Variants in SCN3A observed in about 807,000 individuals in gnomAD.
The protein encoded by SCN3A is sodium voltage-gated channel alpha subunit 3.
In SCN3A, 60 loss-of-function variants were observed where a neutral mutation model predicts 187.6. The observed-to-expected ratio is 0.32, with a 90% confidence interval of 0.26 to 0.40. The LOEUF is 0.40. SCN3A is among the 10% of genes least tolerant of loss of function. The pLI is 1.00. For missense variants in SCN3A, 1,601 were observed against 2,428.2 expected (o/e 0.66, Z 7.16); for synonymous variants, 788 against 829.2 (o/e 0.95, Z 0.85).
At chr2:165,126,022 A>T (rs1574154009) in intron 18 of SCN3A, among the ~76,000 whole-genome samples, 1 of 152,220 alleles carries the variant, frequency 6.6e-6, no homozygotes, top group African/African-American at 2.4e-5. Flanking sequence ...ACCTGAAAAT[A>T]GTCAGGAAGC....
At chr2:165,150,169 A>C (rs1305823126) in intron 11 of SCN3A, among the ~76,000 whole-genome samples, 1 of 152,190 alleles carries the variant, frequency 6.6e-6, no homozygotes, top group African/African-American at 2.4e-5. Context: ...CTAGGACAAA[A>C]CATTGATTTC....
chr2:165,125,596 CG>C (rs1205554134), intron 18 of SCN3A, among the ~76,000 whole-genome samples: 1 of 152,080 alleles, frequency 6.6e-6, no homozygotes, highest in Non-Finnish European at 1.5e-5. Flanking sequence ...GGATTACAGA[CG>C]TGAGCTACCG....
intron 2 of SCN3A, among the ~76,000 whole-genome samples, chr2:165,182,634 GT>G (rs1275679226): frequency 3.3e-5 from 5 of 151,104 alleles, no homozygotes; most frequent in Non-Finnish European, 7.4e-5. Flanking sequence ...TCACTTCCAG[GT>G]TTCCAGCTTA....
chr2:165,127,985 C>T lies in SCN3A; in HGVS notation c.3039G>A (p.Lys1013=), dbSNP rs267598954. 6.2e-7 allele frequency: 1 copy of T among 1,614,064 alleles called. No homozygotes were observed. The highest frequency in any genetic ancestry group is 8.5e-7 in the Non-Finnish European group (1 of 1,180,014). ...NLQIAVGRMQ[K]GIDYVKNKMR... is the part of the protein sequence containing the mutation. ...TCTTATTTTTCACATAATCAATTCC[C>T]TTTTGCATTCTTCCTACTGCAATCT... The change falls in exon 18 of 28, where the codon AAG becomes AAA. Residue 1013 remains lysine (K), a synonymous_variant. Coordinates refer to ENST00000283254, the MANE Select transcript of SCN3A (RefSeq NM_006922.4).
In SCN3A at chr2:165,162,713, C is replaced by G; in HGVS notation, c.810G>C (p.Met270Ile). 6.2e-7 allele frequency: 1 copy of G among 1,614,076 alleles called. No homozygotes were observed. The highest frequency in any genetic ancestry group is 1.1e-5 in the South Asian group (1 of 91,076). The change falls in exon 8 of 28, where the codon ATG (methionine) becomes ATC (isoleucine). Residue 270 changes from methionine to isoleucine, a missense_variant. Coordinates refer to ENST00000283254, the MANE Select transcript of SCN3A (RefSeq NM_006922.4). ...VFALIGLQLF[M>I]GNLRNKCLQW... ...GCAAACATTTATTCCTCAGATTGCCCATGAACAGCTGCAGCCCAATGAGAG... is the reference window on the plus strand; with the variant it reads ...GCAAACATTTATTCCTCAGATTGCCGATGAACAGCTGCAGCCCAATGAGAG...
At chr2:165,113,157 G>A in intron 20 of SCN3A, 99 bp from the exon 21 acceptor site, 2 of 859,394 alleles carry the variant, frequency 2.3e-6, no homozygotes, top group Non-Finnish European at 3.7e-6. Flanking sequence ...ACAATAATTT[G>A]ATTATTGATA....
In SCN3A at chr2:165,167,790, TC is replaced by T. The variant is rs574630778; in HGVS notation, c.473+945del. Among the ~76,000 whole-genome samples the T allele has an allele frequency of 8.5e-4, 130 of 152,176 alleles. No homozygotes were observed. The Middle Eastern group carries it at 0.01, about 12-fold the overall frequency. On this transcript the variant is annotated intron_variant, in intron 5 of 27. Coordinates refer to ENST00000283254, the MANE Select transcript of SCN3A (RefSeq NM_006922.4). The stretch of plus-strand genomic sequence containing the variant: ...TTTTTTCTCACACTTAAATGGAAAA[TC>T]CCTTGCAATAATAATAATAAAAAGA...
intron 19 of SCN3A, 23 bp downstream of exon 19, chr2:165,115,432 T>C: frequency 6.2e-7 from 1 of 1,613,716 alleles, no homozygotes; most frequent in Non-Finnish European, 8.5e-7. Flanking sequence ...AGATTGTATT[T>C]AATCACATCA....
At chr2:165,156,865 A>G (rs1689082746) in intron 9 of SCN3A, among the ~76,000 whole-genome samples, 1 of 151,668 alleles carries the variant, frequency 6.6e-6, no homozygotes, top group African/African-American at 2.4e-5. Context: ...ATACATTATT[A>G]TTACCTAAAG....
At chr2:165,182,492 G>T (rs1690942139) in intron 2 of SCN3A, among the ~76,000 whole-genome samples, 1 of 152,088 alleles carries the variant, frequency 6.6e-6, no homozygotes, top group African/African-American at 2.4e-5. Flanking sequence ...TTAATAGTAG[G>T]CCATCAATAA....
At chr2:165,177,022 T>C (rs1012767595) in intron 2 of SCN3A, among the ~76,000 whole-genome samples, 3 of 152,168 alleles carry the variant, frequency 2.0e-5, no homozygotes, top group African/African-American at 7.2e-5. Flanking sequence ...GTCAGCATCA[T>C]TGACAACTGC....
intron 23 of SCN3A, 104 bp downstream of exon 23, chr2:165,097,148 T>G: frequency 7.6e-7 from 1 of 1,310,286 alleles, no homozygotes; most frequent in South Asian, 1.3e-5. Context: ...TTAACTTTTT[T>G]TCATGCTGTC....
chr2:165,198,341 G>T (rs1215052239), intron 1 of SCN3A, among the ~76,000 whole-genome samples: 2 of 151,986 alleles, frequency 1.3e-5, no homozygotes, highest in Non-Finnish European at 2.9e-5. Context: ...TGCCAATGTA[G>T]CTGTGCTTCT....
chr2:165,151,333 TC>T (rs1168898980), intron 11 of SCN3A, among the ~76,000 whole-genome samples: 2 of 152,276 alleles, frequency 1.3e-5, no homozygotes, highest in African/African-American at 2.4e-5. Flanking sequence ...TATACTGTCA[TC>T]CAAAGAATAC....
chr2:165,120,610 GTTGTGGATTT>G (rs879298883), intron 18 of SCN3A, among the ~76,000 whole-genome samples: 131 of 152,002 alleles, frequency 8.6e-4, no homozygotes, highest in Non-Finnish European at 1.5e-3. Context: ...TCTCTAAAAA[GTTGTGGATTT>G]TTGTCTTGCT....
chr2:165,100,523 T>A (rs1685554763), intron 21 of SCN3A, 99 bp from the exon 22 acceptor site: 9 of 1,284,482 alleles, frequency 7.0e-6, no homozygotes, highest in Non-Finnish European at 8.8e-6. Context: ...AAATACTAAT[T>A]TGGACATACC....
At chr2:165,185,704 T>C (rs972858170) in intron 2 of SCN3A, among the ~76,000 whole-genome samples, 17 of 152,142 alleles carry the variant, frequency 1.1e-4, no homozygotes, top group East Asian at 1.9e-4. Flanking sequence ...TAAACATCTT[T>C]CTTGACTAAG....
chr2:165,149,534 A>T (rs538763327), intron 11 of SCN3A, among the ~76,000 whole-genome samples: 1 of 152,322 alleles, frequency 6.6e-6, no homozygotes, highest in East Asian at 1.9e-4. Context: ...CAGTTCAAAT[A>T]ACTCAAAACC....
At chr2:165,139,770 TAAAAAAAA>T in intron 13 of SCN3A, 162 bp from the exon 14 acceptor site, 1 of 795,198 alleles carries the variant, frequency 1.3e-6, no homozygotes, top group Non-Finnish European at 1.9e-6. Context: ...GTTTTTTTTT[TAAAAAAAA>T]GTTATCACAG....
Sources: allele counts gnomAD v4.1 joint callset (sites outside exome capture counted in the v4.1 genomes callset), GRCh38; gene constraint gnomAD v4.1.1; transcripts MANE v1.5; gene names NCBI Gene and HGNC (gene_info 2026-07-23, HGNC 2026-07-21).